The following ZSCAN16 variants were observed in gnomAD, a reference collection of about 807,000 sequenced individuals.
The protein encoded by ZSCAN16 is zinc finger and SCAN domain containing 16.
A neutral mutation model predicts 19.4 loss-of-function variants in ZSCAN16; 15 were observed. The ratio of observed to expected loss-of-function variants is 0.77; its 90% CI spans 0.52 to 1.19. The LOEUF (loss-of-function observed/expected upper bound fraction) is 1.19, where lower values mean the gene tolerates loss of function less well. ZSCAN16 is among the 50% of genes most tolerant of loss of function. The pLI is 0.00. For synonymous variants in ZSCAN16, 138 were observed against 146.5 expected, an observed-to-expected ratio of 0.94 and a Z score of 0.42; for missense variants, 327 against 415.7, an observed-to-expected ratio of 0.79 and a Z score of 1.86.
chr6:28,126,807 G>GAC lies in ZSCAN16; in HGVS notation c.414_415dup (p.Ile139ThrfsTer17), dbSNP rs777141296. ...GGTCCCAGGCAATTCAGAAAGACGG[G>GAC]ACATACTCATGGACAAGTTGGCCCC... On this transcript the variant is annotated frameshift_variant, in exon 3 of 4. Transcript: ENST00000340487. LOFTEE classifies it high-confidence loss of function. The GAC allele has an allele frequency of 6.5e-7, 1 of 1,548,604 alleles. No individual in the cohort carries two copies. Among genetic ancestry groups the GAC allele is most frequent in the Non-Finnish European group, 8.8e-7 (1 of 1,138,498 alleles).
Position 28,125,852 on chromosome 6 carries a change from G to C in ZSCAN16, c.387+22G>C, listed in dbSNP as rs1764890006. The C allele has an allele frequency of 6.4e-7, 1 of 1,554,980 alleles. No homozygotes were observed. Among genetic ancestry groups the C allele is most frequent in the Non-Finnish European group, 8.7e-7 (1 of 1,144,836 alleles). On this transcript the variant is annotated intron_variant, in intron 2 of 3. Transcript: ENST00000340487. This position sits in a 1 kb window ranked among gnomAD's most constrained non-coding sequence, Gnocchi z 6.2. ...GCAGGTGTGAAGGGGCAGTCATCTG[G>C]CTGTGAGTGATCAGGGGATATGGAT...
At chr6:28,124,913 G>A (rs1263888951) in intron 1 of ZSCAN16, among the ~76,000 whole-genome samples, 1 of 152,232 alleles carries the variant, frequency 6.6e-6, no homozygotes, top group Non-Finnish European at 1.5e-5. Flanking sequence ...TCCCCTTCCA[G>A]GGTTGGCACA....
chr6:28,129,704 T>A lies in ZSCAN16; in HGVS notation c.801T>A (p.Asp267Glu). The stretch of plus-strand genomic sequence containing the variant: ...CGGGAGAGAAGCCCTATAAATGTGA[T>A]GAGTGTGGAAAAGCCTTCATTCAGC... ...THTGEKPYKC[D>E]ECGKAFIQRS... The change falls in exon 4 of 4, where the codon GAT becomes GAA. Residue 267 changes from aspartate to glutamate, a missense_variant. Physicochemically the swap from Asp to Glu is conservative, Grantham distance 45. Coordinates refer to ENST00000340487, the MANE Select transcript of ZSCAN16 (RefSeq NM_025231.3). The A allele has an allele frequency of 6.2e-7, 1 of 1,614,124 alleles. No individual in the cohort carries two copies. The highest frequency in any genetic ancestry group is 8.5e-7 in the Non-Finnish European group (1 of 1,180,004).
chr6:28,126,906 A>G lies in ZSCAN16; in HGVS notation c.511A>G (p.Lys171Glu), dbSNP rs1373525019. The G allele has an allele frequency of 6.3e-7, 1 of 1,578,794 alleles. No individual in the cohort carries two copies. Among genetic ancestry groups the G allele is most frequent in the African/African-American group, 1.3e-5 (1 of 74,076 alleles). The change falls in exon 3 of 4, where the codon AAA (lysine) becomes GAA (glutamate). Residue 171 changes from lysine (K) to glutamate (E), a missense_variant. Transcript: ENST00000340487. ...GACCCAGCTGGAGCAGGAAGCTGGGAAACCACAAAGGAATGGTAAGCAGGA... is the reference window on the plus strand; with the variant it reads ...GACCCAGCTGGAGCAGGAAGCTGGGGAACCACAAAGGAATGGTAAGCAGGA... Reference protein sequence around the residue: ...KKTQLEQEAGKPQRNGDKTRT... With the variant: ...KKTQLEQEAGEPQRNGDKTRT...
Position 28,126,777 on chromosome 6 carries a change from C to T in ZSCAN16, c.388-6C>T. 1 of 1,433,846 alleles carries T rather than the reference C, an allele frequency of 7.0e-7. No individual in the cohort carries two copies. Among genetic ancestry groups the T allele is most frequent in the East Asian group, 2.6e-5 (1 of 38,356 alleles). The allele number at this position is 1,433,846 out of a possible 1,614,324, so 88.8% of individuals were successfully genotyped here. On this transcript the variant is annotated splice_region_variant and splice_polypyrimidine_tract_variant and intron_variant, in intron 2 of 3. Transcript: ENST00000340487. Reference sequence around the variant, plus strand: ...AAATTCACCTTACACACCTCATTTTCCCTAGGTCCCAGGCAATTCAGAAAG... The same window carrying T: ...AAATTCACCTTACACACCTCATTTTTCCTAGGTCCCAGGCAATTCAGAAAG...
chr6:28,127,650 A>G (rs1035799968), intron 3 of ZSCAN16, among the ~76,000 whole-genome samples: 1 of 152,232 alleles, frequency 6.6e-6, no homozygotes, highest in African/African-American at 2.4e-5. Flanking sequence ...AAGAGAGACA[A>G]TGATCAGTCA....
Position 28,125,786 on chromosome 6 carries a change from G to T in ZSCAN16, c.343G>T (p.Val115Leu). The change falls in exon 2 of 4, where the codon GTA becomes TTA. Residue 115 changes from valine to leucine, a missense_variant. Physicochemically the swap from Val to Leu is conservative, Grantham distance 32. Transcript: ENST00000340487. The surrounding 1 kb of genome is among the most constrained non-coding windows in gnomAD (Gnocchi z 6.2). ...HPETGEEAVT[V>L]LEDLERELDE... ...AGAGACTGGAGAGGAGGCAGTGACGGTACTGGAGGATCTGGAGAGAGAGCT... is the reference window on the plus strand; with the variant it reads ...AGAGACTGGAGAGGAGGCAGTGACGTTACTGGAGGATCTGGAGAGAGAGCT... The T allele has an allele frequency of 6.2e-7, 1 of 1,613,342 alleles. No individual in the cohort carries two copies. The highest frequency in any genetic ancestry group is 8.5e-7 in the Non-Finnish European group (1 of 1,179,550).
At chr6:28,127,023 G>C (rs1764926797) in intron 3 of ZSCAN16, 102 bp downstream of exon 3, 3 of 1,081,220 alleles carry the variant, frequency 2.8e-6, no homozygotes, top group Non-Finnish European at 3.6e-6. Flanking sequence ...TTTCCTGCTT[G>C]TCCTCCACCT....
intron 3 of ZSCAN16, 101 bp downstream of exon 3, chr6:28,127,022 T>C (rs545736143): frequency 1.8e-6 from 2 of 1,100,160 alleles, no homozygotes; most frequent in East Asian, 6.0e-5. Flanking sequence ...ATTTCCTGCT[T>C]GTCCTCCACC....
chr6:28,126,703 G>A, intron 2 of ZSCAN16, 80 bp from the exon 3 acceptor site: 1 of 1,181,016 alleles, frequency 8.5e-7, no homozygotes, highest in Non-Finnish European at 1.1e-6. Context: ...TATGTCCCTG[G>A]AAGATGTTTC....
At chr6:28,129,375 G>C in intron 3 of ZSCAN16, 55 bp from the exon 4 acceptor site, 3 of 1,528,632 alleles carry the variant, frequency 2.0e-6, no homozygotes, top group Non-Finnish European at 2.6e-6. Context: ...TCCATAGGCT[G>C]TTTGCTTCTC....
chr6:28,125,363 G>A lies in ZSCAN16; in HGVS notation c.-31-50G>A. Reference sequence around the variant, plus strand: ...ATGGTAACAACTTTTTATGCCTTAGGAGTGTCTCTGAGGCAGGATTCTAAG... The same window carrying A: ...ATGGTAACAACTTTTTATGCCTTAGAAGTGTCTCTGAGGCAGGATTCTAAG... On this transcript the variant is annotated intron_variant, in intron 1 of 3. Coordinates refer to ENST00000340487, the MANE Select transcript of ZSCAN16 (RefSeq NM_025231.3). The surrounding 1 kb of genome is among the most constrained non-coding windows in gnomAD (Gnocchi z 6.2). 6.5e-7 allele frequency: 1 copy of A among 1,528,770 alleles called. No individual in the cohort carries two copies. Among genetic ancestry groups the A allele is most frequent in the South Asian group, 1.3e-5 (1 of 75,726 alleles). 94.7% of individuals were successfully genotyped at this position (1,528,770 alleles called of 1,614,324 possible). A position where few individuals can be genotyped will look rare whatever the true frequency, so the allele number is the denominator to read the frequency against.
chr6:28,129,922 G>C lies in ZSCAN16; in HGVS notation c.1019G>C (p.Arg340Thr). The change falls in exon 4 of 4, where the codon AGA becomes ACA. Residue 340 changes from arginine (R) to threonine (T), a missense_variant. Physicochemically the swap from Arg to Thr is moderately conservative, Grantham distance 71. Coordinates refer to ENST00000340487, the MANE Select transcript of ZSCAN16 (RefSeq NM_025231.3). ...AGTTCAGCTCTTATTAGACATCAAAGAATTCATACCGCAAATAAACTCTAC... is the reference window on the plus strand; with the variant it reads ...AGTTCAGCTCTTATTAGACATCAAACAATTCATACCGCAAATAAACTCTAC... ...RVSSALIRHQ[R>T]IHTANKLY 6.3e-7 allele frequency: 1 copy of C among 1,597,008 alleles called. No homozygotes were observed. Among genetic ancestry groups the C allele is most frequent in the Non-Finnish European group, 8.5e-7 (1 of 1,172,670 alleles).
intron 3 of ZSCAN16, among the ~76,000 whole-genome samples, chr6:28,128,172 G>T (rs1023238116): frequency 3.9e-5 from 6 of 151,918 alleles, no homozygotes; most frequent in African/African-American, 1.4e-4. Flanking sequence ...TAGAGGAGAG[G>T]TCTCACTATG....
rs1450902186 is a variant in ZSCAN16 at position 28,129,602 on chromosome 6, A to G, written c.699A>G (p.Arg233=). ...EGRSEWQQRE[R]RRYKCDECGK... is the part of the protein sequence containing the mutation. ...GATCAGAATGGCAACAGAGGGAAAG[A>G]AGACGATATAAATGTGATGAATGTG... Residue 233 remains arginine (R), a synonymous_variant, in exon 4 of 4, where the codon AGA becomes AGG. Transcript: ENST00000340487. 9.9e-6 allele frequency: 16 copies of G among 1,614,108 alleles called. No homozygotes were observed. Among genetic ancestry groups the G allele is most frequent in the Non-Finnish European group, 1.3e-5 (15 of 1,180,050 alleles).
Position 28,125,310 on chromosome 6 carries a change from T to C in ZSCAN16, c.-31-103T>C, listed in dbSNP as rs1280818351. ...GCTTGGCTTCATTATGATGTGTTTATGTTCACAGAAATTTTTGTAATTTCT... is the reference window on the plus strand; with the variant it reads ...GCTTGGCTTCATTATGATGTGTTTACGTTCACAGAAATTTTTGTAATTTCT... On this transcript the variant is annotated intron_variant, in intron 1 of 3. Transcript: ENST00000340487. The surrounding 1 kb of genome is among the most constrained non-coding windows in gnomAD (Gnocchi z 6.2). 7.2e-7 allele frequency: 1 copy of C among 1,387,384 alleles called. No homozygotes were observed. The highest frequency in any genetic ancestry group is 9.6e-7 in the Non-Finnish European group (1 of 1,044,792). 85.9% of individuals were successfully genotyped at this position (1,387,384 alleles called of 1,614,324 possible). A position where few individuals can be genotyped will look rare whatever the true frequency, so the allele number is the denominator to read the frequency against.
In ZSCAN16 at chr6:28,126,805, G is replaced by A. The variant is rs750071607; in HGVS notation, c.410G>A (p.Arg137Gln). 2.5e-5 allele frequency: 39 copies of A among 1,533,564 alleles called. No individual in the cohort carries two copies. The highest frequency in any genetic ancestry group is 5.0e-5 in the South Asian group (4 of 80,498). 95.0% of individuals were successfully genotyped at this position (1,533,564 alleles called of 1,614,324 possible). The change falls in exon 3 of 4, where the codon CGG (arginine) becomes CAG (glutamine). Residue 137 changes from arginine to glutamine, a missense_variant. Transcript: ENST00000340487. The stretch of plus-strand genomic sequence containing the variant: ...TAGGTCCCAGGCAATTCAGAAAGAC[G>A]GGACATACTCATGGACAAGTTGGCC... ...GKQVPGNSER[R>Q]DILMDKLAPL...
At chr6:28,126,587 C>T (rs1764909878) in intron 2 of ZSCAN16, among the ~76,000 whole-genome samples, 196 bp from the exon 3 acceptor site, 2 of 152,166 alleles carry the variant, frequency 1.3e-5, no homozygotes, top group African/African-American at 2.4e-5. Context: ...AAAGAAGAGA[C>T]GTTGAATTTT....
rs1009523398 is a variant in ZSCAN16 at position 28,124,688 on chromosome 6, C to T, written c.-32+11C>T. 1 of 152,376 alleles carries T rather than the reference C, an allele frequency of 6.6e-6. No individual in the cohort carries two copies. The highest frequency in any genetic ancestry group is 1.5e-5 in the Non-Finnish European group (1 of 68,178). 9.4% of individuals were successfully genotyped at this position (152,376 alleles called of 1,614,324 possible). On this transcript the variant is annotated intron_variant, in intron 1 of 3. Transcript: ENST00000340487. ...CTCCCTGCGCGTAAGGTGAGTGTCT[C>T]CCGGCTCCCAGGTGGAGAAAAGGGG...
Sources: allele counts gnomAD v4.1 joint callset (sites outside exome capture counted in the v4.1 genomes callset), GRCh38; gene constraint gnomAD v4.1.1; non-coding constraint Gnocchi (gnomAD v3.1); transcripts MANE v1.5; gene names NCBI Gene and HGNC (gene_info 2026-07-23, HGNC 2026-07-21).